Variants in NAT1 observed in about 807,000 individuals in gnomAD.
NAT1 encodes arylamine N-acetyltransferase 1.
For synonymous variants in NAT1, 144 were observed against 122.6 expected (o/e 1.17, Z -1.16); for missense variants, 400 against 339.2 (o/e 1.18, Z -1.41).
At chr8:18,194,036 A>G (rs7823976) in intron 2 of NAT1, among the ~76,000 whole-genome samples, 64,628 of 152,040 alleles carry the variant, frequency 0.43, 13,938 homozygotes, top group Middle Eastern at 0.5. Context: ...TTAAGTAGAC[A>G]TCCTAACTGT....
At chr8:18,189,484 G>A (rs1301966432) in intron 2 of NAT1, among the ~76,000 whole-genome samples, 1 of 152,120 alleles carries the variant, frequency 6.6e-6, no homozygotes. Flanking sequence ...AATAAAAACG[G>A]TCACACAACA....
Position 18,214,129 on chromosome 8 carries a change from A to G in NAT1, c.-86+3949A>G, listed in dbSNP as rs78991910. On this transcript the variant is annotated intron_variant, in intron 1 of 2. Transcript: ENST00000307719. ...TGCCCGGCCCTAACGTCATATTTCTATCTCCATATAAGCCAAAATGGCTTG... is the reference window on the plus strand; with the variant it reads ...TGCCCGGCCCTAACGTCATATTTCTGTCTCCATATAAGCCAAAATGGCTTG... Among the ~76,000 whole-genome samples, 613 of 152,156 alleles carry G rather than the reference A, an allele frequency of 4.0e-3. 17 individuals are homozygous for G. In the East Asian group the frequency reaches 0.07, roughly 17 times the overall value.
intron 1 of NAT1, among the ~76,000 whole-genome samples, chr8:18,214,018 T>C (rs1421552086): frequency 6.6e-6 from 1 of 152,124 alleles, no homozygotes; most frequent in African/African-American, 2.4e-5. Flanking sequence ...TTTCACCGTG[T>C]TAGCCAGGAT....
upstream of NAT1, among the ~76,000 whole-genome samples, chr8:18,206,936 A>C (rs1803750330): frequency 6.6e-6 from 1 of 152,098 alleles, no homozygotes; most frequent in South Asian, 2.1e-4. Context: ...TTCATCATGA[A>C]ATCTTTGCCC....
intron 1 of NAT1, among the ~76,000 whole-genome samples, chr8:18,216,154 A>G (rs1368774740): frequency 6.6e-6 from 1 of 151,750 alleles, no homozygotes; most frequent in Non-Finnish European, 1.5e-5. Context: ...CTCAGATGCT[A>G]CTCTTTTAGC....
intron 2 of NAT1, among the ~76,000 whole-genome samples, chr8:18,220,465 C>G (rs1190161654): frequency 6.6e-6 from 1 of 152,106 alleles, no homozygotes; most frequent in Non-Finnish European, 1.5e-5. Context: ...GAGGTCTGTA[C>G]AGCACTGTTA....
rs988166890 is a variant in NAT1 at position 18,203,929 on chromosome 8, C to A, written n.93-5852C>A. Among the ~76,000 whole-genome samples the A allele has an allele frequency of 2.0e-5, 3 of 152,142 alleles. No homozygotes were observed. The South Asian group carries it at 6.2e-4, about 32-fold the overall frequency. ...CGTTAAAGATGGTGGCTCCATCTTC[C>A]CTTCTCTGCCAGTCACCTGTACTGT... On this transcript the variant is annotated intron_variant and non_coding_transcript_variant, in intron 2 of 4. Transcript: ENST00000517441.
intron 2 of NAT1, among the ~76,000 whole-genome samples, chr8:18,193,545 A>G (rs1042127405): frequency 5.4e-5 from 8 of 147,242 alleles, no homozygotes; most frequent in African/African-American, 1.7e-4. Context: ...AAAAACATAC[A>G]GAACCAGGTC....
rs1027298067 is a variant in NAT1 at position 18,223,243 on chromosome 8, G to A, written c.*323G>A. The A allele has an allele frequency of 1.2e-5, 2 of 167,950 alleles. No individual in the cohort carries two copies. Among genetic ancestry groups the A allele is most frequent in the Non-Finnish European group, 2.9e-5 (2 of 68,858 alleles). 10.4% of individuals were successfully genotyped at this position (167,950 alleles called of 1,614,324 possible). ...AATTCCTAGAAAAGTTTTATTGGTAGATGAGTAAATAAAATATTGTAAAAA... is the reference window on the plus strand; with the variant it reads ...AATTCCTAGAAAAGTTTTATTGGTAAATGAGTAAATAAAATATTGTAAAAA... On this transcript the variant is annotated 3_prime_UTR_variant, in exon 3 of 3. Coordinates refer to ENST00000307719, the MANE Select transcript of NAT1 (RefSeq NM_000662.8).
intron 2 of NAT1, among the ~76,000 whole-genome samples, chr8:18,199,317 CAAAAAAAA>C (rs373393013): frequency 1.1e-5 from 1 of 87,484 alleles, no homozygotes; most frequent in Non-Finnish European, 2.5e-5. Flanking sequence ...GACTCTGTCT[CAAAAAAAA>C]AAAAAAAAAA....
chr8:18,190,028 G>A (rs552626087), intron 2 of NAT1, among the ~76,000 whole-genome samples: 6 of 152,244 alleles, frequency 3.9e-5, no homozygotes, highest in Non-Finnish European at 5.9e-5. Flanking sequence ...GACCACAAGG[G>A]ATCTGTCCAC....
upstream of NAT1, among the ~76,000 whole-genome samples, chr8:18,208,360 G>A (rs1340562941): frequency 2.0e-5 from 3 of 152,090 alleles, no homozygotes; most frequent in East Asian, 3.8e-4. Flanking sequence ...TCTATTTGCC[G>A]ATGACGTGAT....
intron 1 of NAT1, among the ~76,000 whole-genome samples, chr8:18,210,534 T>A (rs959993947): frequency 3.3e-5 from 5 of 152,226 alleles, no homozygotes; most frequent in African/African-American, 1.2e-4. Flanking sequence ...TATTAAAAGA[T>A]AACTAATGTG....
intron 2 of NAT1, among the ~76,000 whole-genome samples, chr8:18,193,630 G>GTTT (rs1563170767): frequency 1.1e-5 from 1 of 91,724 alleles, no homozygotes; most frequent in South Asian, 3.1e-4. Context: ...CTGTAAACCT[G>GTTT]CTTTTTTTTT....
At chr8:18,196,118 A>T (rs555391980) in intron 2 of NAT1, among the ~76,000 whole-genome samples, 14 of 146,944 alleles carry the variant, frequency 9.5e-5, no homozygotes, top group South Asian at 2.2e-4. Context: ...TACAACTTTT[A>T]TTTTTTTTTT....
intron 1 of NAT1, among the ~76,000 whole-genome samples, chr8:18,216,367 A>G (rs6982997): frequency 0.061 from 9,286 of 152,198 alleles, 905 homozygotes; most frequent in African/African-American, 0.21. Flanking sequence ...AGCAACCCCA[A>G]AAGCTTAGCG....
At chr8:18,204,942 T>C (rs905902025) in intron 2 of NAT1, among the ~76,000 whole-genome samples, 1 of 152,184 alleles carries the variant, frequency 6.6e-6, no homozygotes, top group Non-Finnish European at 1.5e-5. Context: ...AAGATTCTAG[T>C]GGGCCAATGC....
chr8:18,204,130 C>T (rs1803599641), intron 2 of NAT1, among the ~76,000 whole-genome samples: 1 of 152,002 alleles, frequency 6.6e-6, no homozygotes, highest in Non-Finnish European at 1.5e-5. Flanking sequence ...AAATTGGCTG[C>T]AGTCCGCTGC....
intron 2 of NAT1, among the ~76,000 whole-genome samples, chr8:18,183,418 C>A (rs73589911): frequency 0.052 from 7,872 of 152,210 alleles, 308 homozygotes; most frequent in South Asian, 0.14. Context: ...TCTCAATAGT[C>A]CCGGTAAGTC....
Sources: gnomAD v4.1 joint callset for allele counts (sites outside exome capture counted in the v4.1 genomes callset) on GRCh38, gnomAD v4.1.1 for gene constraint, MANE v1.5 for transcripts, NCBI Gene and HGNC (gene_info 2026-07-23, HGNC 2026-07-21) for gene names.